Variants in SPOCK3 observed in about 807,000 individuals in gnomAD.
SPOCK3 encodes the protein SPARC (osteonectin), cwcv and kazal like domains proteoglycan 3, also known as testican-3.
Under a neutral mutation model 56.6 loss-of-function variants are expected in SPOCK3, and 30 were observed. The observed-to-expected ratio is 0.53, with a 90% confidence interval of 0.40 to 0.72. The LOEUF (loss-of-function observed/expected upper bound fraction) is 0.72. SPOCK3 is among the 30% of genes least tolerant of loss of function. The pLI is 0.00. For missense variants in SPOCK3, 527 were observed against 530.0 expected, an observed-to-expected ratio of 0.99 and a Z score of 0.06; for synonymous variants, 196 against 183.3, an observed-to-expected ratio of 1.07 and a Z score of -0.56.
intron 3 of SPOCK3, among the ~76,000 whole-genome samples, chr4:167,056,862 G>T (rs1031627131): frequency 1.3e-5 from 2 of 152,304 alleles, no homozygotes; most frequent in East Asian, 3.9e-4. Flanking sequence ...AAAACACTCT[G>T]CAGGATATTA....
chr4:166,803,409 G>C (rs1220564343), intron 6 of SPOCK3, among the ~76,000 whole-genome samples: 4 of 152,084 alleles, frequency 2.6e-5, no homozygotes, highest in African/African-American at 9.7e-5. Flanking sequence ...GCAGGCATTT[G>C]GGCAGTAGTA....
At chr4:166,956,939 C>T (rs1281692614) in intron 4 of SPOCK3, among the ~76,000 whole-genome samples, 2 of 152,154 alleles carry the variant, frequency 1.3e-5, no homozygotes, top group East Asian at 3.9e-4. Flanking sequence ...TTCCCTTGCA[C>T]TCTTGCAGTT....
At chr4:166,991,655 C>T (rs1054858239) in intron 4 of SPOCK3, among the ~76,000 whole-genome samples, 17 of 152,090 alleles carry the variant, frequency 1.1e-4, no homozygotes, top group African/African-American at 3.1e-4. Context: ...CAGGCATGAG[C>T]CACCAGTGCC....
intron 2 of SPOCK3, among the ~76,000 whole-genome samples, chr4:167,077,359 A>C (rs2150281439): frequency 6.6e-6 from 1 of 151,920 alleles, no homozygotes; most frequent in East Asian, 1.9e-4. Flanking sequence ...CACCCATAAC[A>C]GAAAAAAAAG....
In SPOCK3 at chr4:167,233,962, G is replaced by A. The variant is rs1442458638; in HGVS notation, c.189+23C>T. The A allele has an allele frequency of 1.9e-6, 3 of 1,604,134 alleles. No individual in the cohort carries two copies. The Admixed American group carries it at 5.0e-5, about 27-fold the overall frequency. On this transcript the variant is annotated intron_variant, in intron 2 of 10. Coordinates refer to ENST00000357545, the MANE Select transcript of SPOCK3 (RefSeq NM_001040159.2). ...CGGAGCAGCGCGCGCGTGTGCCCGG[G>A]GATGTGGGTGCGCGGAACTTACGTC...
chr4:167,214,213 G>A (rs1233812866), intron 2 of SPOCK3, among the ~76,000 whole-genome samples: 1 of 152,086 alleles, frequency 6.6e-6, no homozygotes, highest in African/African-American at 2.4e-5. Context: ...GGTAGCAGTT[G>A]TAATGGTTTC....
At chr4:167,158,240 T>C (rs1382407164) in intron 2 of SPOCK3, among the ~76,000 whole-genome samples, 2 of 151,994 alleles carry the variant, frequency 1.3e-5, no homozygotes, top group Admixed American at 1.3e-4. Context: ...AAATAGGATA[T>C]ACACTATAGT....
chr4:166,860,813 A>ATATATATATATATATATATG (rs1560943167), intron 6 of SPOCK3, among the ~76,000 whole-genome samples: 2 of 144,570 alleles, frequency 1.4e-5, no homozygotes, highest in Non-Finnish European at 3.0e-5. Context: ...ATATATATAT[A>ATATATATATATATATATATG]TATGTATATA....
At chr4:166,856,504 G>A (rs544072637) in intron 6 of SPOCK3, among the ~76,000 whole-genome samples, 22 of 152,166 alleles carry the variant, frequency 1.4e-4, no homozygotes, top group Non-Finnish European at 2.8e-4. Flanking sequence ...GGCCAGGCAC[G>A]GTGGCTCACA....
At chr4:167,145,214 A>G (rs116782977) in intron 2 of SPOCK3, among the ~76,000 whole-genome samples, 2,348 of 152,182 alleles carry the variant, frequency 0.015, 28 homozygotes, top group Middle Eastern at 0.041. Flanking sequence ...TGAATAAAGT[A>G]AAAGAAGAGG....
chr4:167,138,449 G>C (rs1027195634), intron 2 of SPOCK3, among the ~76,000 whole-genome samples: 1 of 151,756 alleles, frequency 6.6e-6, no homozygotes, highest in African/African-American at 2.4e-5. Flanking sequence ...ACTTTTAGAG[G>C]TGAATGAAAA....
chr4:167,073,753 T>C (rs1756914995), intron 2 of SPOCK3, among the ~76,000 whole-genome samples: 1 of 151,944 alleles, frequency 6.6e-6, no homozygotes, highest in South Asian at 2.1e-4. Flanking sequence ...CATGTATAAA[T>C]TGAGAATCTG....
intron 10 of SPOCK3, 27 bp from the exon 11 acceptor site, chr4:166,735,117 C>G (rs1734094168): frequency 6.8e-7 from 1 of 1,476,976 alleles, no homozygotes; most frequent in Non-Finnish European, 9.3e-7. Context: ...GTAAACATAA[C>G]CTTTATTTGA....
chr4:166,815,365 C>T (rs550438118), intron 6 of SPOCK3, among the ~76,000 whole-genome samples: 2 of 152,010 alleles, frequency 1.3e-5, no homozygotes, highest in African/African-American at 4.8e-5. Context: ...ACTGACCATA[C>T]TGACCTTATT....
At chr4:166,909,430 C>T (rs1737008515) in intron 5 of SPOCK3, among the ~76,000 whole-genome samples, 1 of 151,992 alleles carries the variant, frequency 6.6e-6, no homozygotes, top group Non-Finnish European at 1.5e-5. Context: ...ATGAAAATAT[C>T]ATTTATAATC....
intron 6 of SPOCK3, among the ~76,000 whole-genome samples, chr4:166,823,892 C>T (rs529151563): frequency 1.3e-5 from 2 of 152,210 alleles, no homozygotes; most frequent in East Asian, 3.9e-4. Flanking sequence ...CCTAAGCAAG[C>T]AAGTTTTTGC....
intron 3 of SPOCK3, among the ~76,000 whole-genome samples, chr4:167,048,427 C>T (rs1354385350): frequency 5.3e-5 from 8 of 151,884 alleles, no homozygotes; most frequent in Non-Finnish European, 1.0e-4. Flanking sequence ...ACCAGACATG[C>T]CCAATATATA....
intron 3 of SPOCK3, among the ~76,000 whole-genome samples, chr4:167,046,242 GTTTTGT>G (rs1753702696): frequency 1.3e-5 from 2 of 151,524 alleles, no homozygotes; most frequent in African/African-American, 2.4e-5. Flanking sequence ...TTTGAGTTTT[GTTTTGT>G]TTTTGTTTTT....
intron 3 of SPOCK3, among the ~76,000 whole-genome samples, chr4:167,058,906 T>C (rs1755237711): frequency 6.6e-6 from 1 of 152,202 alleles, no homozygotes; most frequent in Non-Finnish European, 1.5e-5. Context: ...GGGGAAAGGA[T>C]TCCCTACTTA....
Sources: gnomAD v4.1 joint callset for allele counts (sites outside exome capture counted in the v4.1 genomes callset) on GRCh38, gnomAD v4.1.1 for gene constraint, MANE v1.5 for transcripts, NCBI Gene and HGNC (gene_info 2026-07-23, HGNC 2026-07-21) for gene names.